Variants in CDH12 observed in about 807,000 individuals in gnomAD.
CDH12 encodes the protein cadherin-12.
In CDH12, 41 loss-of-function variants were observed where a neutral mutation model predicts 74.1. That is an observed-to-expected ratio of 0.55 (90% CI 0.43 to 0.72). CDH12 has a LOEUF of 0.72. CDH12 is among the 30% of genes least tolerant of loss of function. The pLI is 0.00. For missense variants in CDH12, 945 were observed against 977.2 expected, an observed-to-expected ratio of 0.97 and a Z score of 0.44; for synonymous variants, 399 against 355.0, an observed-to-expected ratio of 1.12 and a Z score of -1.39.
intron 3 of CDH12, among the ~76,000 whole-genome samples, chr5:22,392,496 G>A (rs538065919): frequency 3.9e-5 from 6 of 152,202 alleles, no homozygotes; most frequent in South Asian, 4.1e-4. Flanking sequence ...GTTTTTGAGG[G>A]TTAAATTAAT....
intron 2 of CDH12, among the ~76,000 whole-genome samples, chr5:22,435,496 A>ATGTGTG (rs200622521): frequency 3.0e-4 from 20 of 66,728 alleles, no homozygotes; most frequent in African/African-American, 1.1e-3. Flanking sequence ...ATGTGTATAT[A>ATGTGTG]TATGTGTGTG....
chr5:22,841,222 A>G lies in CDH12; in HGVS notation c.-523+11836T>C, dbSNP rs539073645. On this transcript the variant is annotated intron_variant, in intron 1 of 14. Transcript: ENST00000382254. Reference sequence around the variant, plus strand: ...AAGAGAGCAACAGATGAAAATTGGTAGGATCCTACACATACTGTGGATGTA... The same window carrying G: ...AAGAGAGCAACAGATGAAAATTGGTGGGATCCTACACATACTGTGGATGTA... Among the ~76,000 whole-genome samples the G allele has an allele frequency of 7.9e-5, 12 of 152,308 alleles. No homozygotes were observed. In the South Asian group the frequency reaches 2.5e-3, roughly 32 times the overall value.
chr5:22,696,336 A>G (rs1369415457), intron 1 of CDH12, among the ~76,000 whole-genome samples: 1 of 137,906 alleles, frequency 7.3e-6, no homozygotes, highest in African/African-American at 2.8e-5. Context: ...GCGCCACTGC[A>G]CTCCAGCCTG....
intron 4 of CDH12, among the ~76,000 whole-genome samples, chr5:22,154,327 T>A (rs1319211744): frequency 6.6e-6 from 1 of 151,454 alleles, no homozygotes; most frequent in Non-Finnish European, 1.5e-5. Context: ...ACATTAGGTC[T>A]CCAGAAATTA....
chr5:22,014,615 AGTG>A (rs1416758916), intron 5 of CDH12, among the ~76,000 whole-genome samples: 3 of 152,160 alleles, frequency 2.0e-5, no homozygotes, highest in Non-Finnish European at 4.4e-5. Flanking sequence ...TGGACAAATC[AGTG>A]TTAATGACAG....
At chr5:22,764,994 TTG>T (rs1580977637) in intron 1 of CDH12, among the ~76,000 whole-genome samples, 1 of 152,128 alleles carries the variant, frequency 6.6e-6, no homozygotes, top group East Asian at 1.9e-4. Flanking sequence ...GTAATTCTGC[TTG>T]TCTTTTTCTC....
chr5:22,788,533 T>C, intron 1 of CDH12, among the ~76,000 whole-genome samples: 1 of 148,692 alleles, frequency 6.7e-6, no homozygotes, highest in East Asian at 2.0e-4. Context: ...AAATTTATCA[T>C]AATATATAAA....
intron 6 of CDH12, among the ~76,000 whole-genome samples, chr5:21,902,803 T>C (rs190147273): frequency 6.6e-5 from 10 of 152,294 alleles, no homozygotes; most frequent in Admixed American, 2.6e-4. Context: ...ATGGCTATTA[T>C]GTTGGAGAGT....
chr5:22,675,590 G>T (rs1185804473), intron 1 of CDH12, among the ~76,000 whole-genome samples: 1 of 151,884 alleles, frequency 6.6e-6, no homozygotes, highest in African/African-American at 2.4e-5. Context: ...GGGACTATTG[G>T]GAAGGCATAA....
At chr5:22,555,018 T>C (rs542635881) in intron 1 of CDH12, among the ~76,000 whole-genome samples, 102 of 152,208 alleles carry the variant, frequency 6.7e-4, no homozygotes, top group African/African-American at 2.5e-3. Context: ...TCCTTAAAAA[T>C]ATATCATATG....
At chr5:22,765,454 T>G (rs1746453078) in intron 1 of CDH12, among the ~76,000 whole-genome samples, 1 of 151,934 alleles carries the variant, frequency 6.6e-6, no homozygotes, top group African/African-American at 2.4e-5. Flanking sequence ...ATATCTCTCT[T>G]TTGGCCTGTA....
intron 1 of CDH12, among the ~76,000 whole-genome samples, chr5:22,517,213 A>G (rs1449935491): frequency 6.6e-6 from 1 of 152,124 alleles, no homozygotes; most frequent in African/African-American, 2.4e-5. Flanking sequence ...AGCATTTTGG[A>G]AATGTTTATT....
At chr5:22,794,190 T>C (rs1028699901) in intron 1 of CDH12, among the ~76,000 whole-genome samples, 1 of 152,220 alleles carries the variant, frequency 6.6e-6, no homozygotes, top group Non-Finnish European at 1.5e-5. Flanking sequence ...GTTTTCCATT[T>C]GCCACTCCTT....
chr5:21,851,443 T>C (rs370509782), intron 7 of CDH12, among the ~76,000 whole-genome samples: 1 of 150,604 alleles, frequency 6.6e-6, no homozygotes, highest in African/African-American at 2.4e-5. Context: ...AAATATTTTA[T>C]AAACATTAAG....
chr5:22,039,403 C>A (rs1487430602), intron 5 of CDH12, among the ~76,000 whole-genome samples: 1 of 152,012 alleles, frequency 6.6e-6, no homozygotes, highest in East Asian at 1.9e-4. Context: ...TCCAACTTTG[C>A]CTCAGAGGGT....
At chr5:22,533,202 G>A (rs1035066887) in intron 1 of CDH12, among the ~76,000 whole-genome samples, 26 of 152,156 alleles carry the variant, frequency 1.7e-4, no homozygotes, top group African/African-American at 5.8e-4. Flanking sequence ...TGTCATAACT[G>A]GACGAAGGGC....
chr5:22,004,919 A>T (rs1317478158), intron 5 of CDH12, among the ~76,000 whole-genome samples: 2 of 151,996 alleles, frequency 1.3e-5, no homozygotes, highest in Non-Finnish European at 2.9e-5. Context: ...TTTTCCAGTT[A>T]TTTCACCCAA....
intron 3 of CDH12, among the ~76,000 whole-genome samples, chr5:22,259,419 G>C (rs1284672752): frequency 6.6e-6 from 1 of 151,960 alleles, no homozygotes; most frequent in African/African-American, 2.4e-5. Flanking sequence ...ACTCTTGTTT[G>C]AATACTTCTG....
At chr5:22,675,332 G>A (rs1201953463) in intron 1 of CDH12, among the ~76,000 whole-genome samples, 1 of 152,174 alleles carries the variant, frequency 6.6e-6, no homozygotes, top group Non-Finnish European at 1.5e-5. Flanking sequence ...CTTCCAAGTG[G>A]TGTTGAGCCT....
Sources: allele counts gnomAD v4.1 joint callset (sites outside exome capture counted in the v4.1 genomes callset), GRCh38; gene constraint gnomAD v4.1.1; transcripts MANE v1.5; gene names NCBI Gene and HGNC (gene_info 2026-07-23, HGNC 2026-07-21).